Variants in PSME4 observed in about 807,000 individuals in gnomAD.
PSME4 encodes proteasome activator subunit 4, also known as proteasome activator complex subunit 4.
In PSME4, 89 loss-of-function variants were observed where a neutral mutation model predicts 253.9. The ratio of observed to expected loss-of-function variants is 0.35; its 90% CI spans 0.30 to 0.42. PSME4 has a LOEUF of 0.42. Ranked by LOEUF, PSME4 falls within the 10% of genes least tolerant of loss-of-function variation. The pLI is 1.00. For synonymous variants in PSME4, 851 were observed against 759.2 expected (o/e 1.12, Z -1.99); for missense variants, 2,014 against 2,195.2 (o/e 0.92, Z 1.65).
chr2:53,934,538 A>G (rs1304204985), intron 8 of PSME4, 67 bp downstream of exon 8: 2 of 1,506,700 alleles, frequency 1.3e-6, no homozygotes, highest in African/African-American at 2.8e-5. Flanking sequence ...GCGACTATCC[A>G]CAATTTTTGT....
At chr2:53,876,558 CCTT>C (rs1300108305) in intron 41 of PSME4, among the ~76,000 whole-genome samples, 4 of 151,300 alleles carry the variant, frequency 2.6e-5, no homozygotes, top group African/African-American at 9.8e-5. Context: ...AATGGTCATT[CCTT>C]CTTCATTATT....
intron 4 of PSME4, among the ~76,000 whole-genome samples, chr2:53,939,703 G>A (rs1272703571): frequency 6.6e-6 from 1 of 152,118 alleles, no homozygotes; most frequent in Admixed American, 6.5e-5. Context: ...TCTAGGAAAT[G>A]CTTCCAAATA....
At chr2:53,954,805 C>T (rs1384682038) in intron 1 of PSME4, among the ~76,000 whole-genome samples, 3 of 151,352 alleles carry the variant, frequency 2.0e-5, no homozygotes, top group African/African-American at 7.3e-5. Context: ...TGTGCCACTG[C>T]ACTCCAGCCT....
chr2:53,868,596 A>G (rs1267517850), intron 44 of PSME4, among the ~76,000 whole-genome samples: 1 of 136,060 alleles, frequency 7.3e-6, no homozygotes, highest in Non-Finnish European at 1.5e-5. Context: ...TATAATATAT[A>G]TATAATATAT....
intron 1 of PSME4, among the ~76,000 whole-genome samples, chr2:53,951,044 C>A (rs1256998593): frequency 6.6e-6 from 1 of 152,082 alleles, no homozygotes. Flanking sequence ...ATCTTTAACA[C>A]TCCCCCAGTA....
chr2:53,945,972 CACA>C (rs1669681131), intron 3 of PSME4, among the ~76,000 whole-genome samples: 1 of 152,128 alleles, frequency 6.6e-6, no homozygotes, highest in African/African-American at 2.4e-5. Flanking sequence ...GTGTTTCAGT[CACA>C]ACGTCTCTTC....
rs779683205 is a variant in PSME4, at chr2:53,899,941, C to A, written c.3362G>T (p.Ser1121Ile). Residue 1121 changes from serine to isoleucine, a missense_variant, in exon 29 of 47, where the codon AGC (serine) becomes ATC (isoleucine). By Grantham distance (142) the Ser-to-Ile change is moderately radical (BLOSUM62 -2). Around this residue, in one of 4 missense-constraint regions of PSME4, gnomAD observed 989 missense variants for 1,021.1 expected, o/e 0.97. Transcript: ENST00000404125. The part of the protein sequence containing the change: ...KNPSINQILL[S>I]PEKIKEGIKR... Reference sequence around the variant, plus strand: ...AATTCCTTCCTTAATTTTTTCTGGGCTAAGCAATATCTGGTTGATAGAGGG... The same window carrying A: ...AATTCCTTCCTTAATTTTTTCTGGGATAAGCAATATCTGGTTGATAGAGGG... The A allele has an allele frequency of 1.9e-6, 3 of 1,613,330 alleles. No homozygotes were observed. Among genetic ancestry groups the A allele is most frequent in the Middle Eastern group, 1.6e-4 (1 of 6,062 alleles).
intron 41 of PSME4, among the ~76,000 whole-genome samples, chr2:53,883,497 G>A (rs1192125533): frequency 6.6e-6 from 1 of 152,072 alleles, no homozygotes; most frequent in Non-Finnish European, 1.5e-5. Context: ...GCGGTGGGGG[G>A]GTGCGGGGTC....
rs1302874906 is a variant in PSME4, at chr2:53,918,460, CCTCCCACCTCAGCTGGGACT to C, written c.2516+671_2516+690del. On this transcript the variant is annotated intron_variant, in intron 20 of 46. Transcript: ENST00000404125. ...CCTCTGCCTCCTGGGCTCAAGCAAT[CCTCCCACCTCAGCTGGGACT>C]ACAGGTATGCGCCACCACGTCCAGC... Among the ~76,000 whole-genome samples the C allele has an allele frequency of 2.6e-5, 4 of 152,132 alleles. 1 individual carries two copies. The highest frequency in any genetic ancestry group is 9.6e-5 in the African/African-American group (4 of 41,498).
At chr2:53,952,338 G>A (rs1670039559) in intron 1 of PSME4, among the ~76,000 whole-genome samples, 1 of 152,030 alleles carries the variant, frequency 6.6e-6, no homozygotes, top group South Asian at 2.1e-4. Context: ...GTCAAGAGAT[G>A]GAGACCATCC....
At chr2:53,925,868 G>C in intron 13 of PSME4, 91 bp downstream of exon 13, 1 of 1,380,580 alleles carries the variant, frequency 7.2e-7, no homozygotes, top group Non-Finnish European at 1.0e-6. Context: ...GCTAAATAAA[G>C]GTTATAATGC....
At chr2:53,961,698 T>C (rs1323979290) in intron 1 of PSME4, among the ~76,000 whole-genome samples, 1 of 152,064 alleles carries the variant, frequency 6.6e-6, no homozygotes, top group African/African-American at 2.4e-5. Context: ...GGAAGGGGGA[T>C]GTTTGAAATG....
rs760184942 is a variant in PSME4 at position 53,908,579 on chromosome 2, A to G, written c.2630-14T>C. The G allele has an allele frequency of 6.3e-7, 1 of 1,579,802 alleles. No homozygotes were observed. The highest frequency in any genetic ancestry group is 1.2e-5 in the South Asian group (1 of 84,342). Reference sequence around the variant, plus strand: ...CAAGTATGTGGTCTATAATGGAAGAAAGAAAAGGATTTTGGTTAAAATATT... The same window carrying G: ...CAAGTATGTGGTCTATAATGGAAGAGAGAAAAGGATTTTGGTTAAAATATT... On this transcript the variant is annotated splice_polypyrimidine_tract_variant and intron_variant, in intron 22 of 46. Transcript: ENST00000404125.
At chr2:53,878,340 A>G (rs805393) in intron 41 of PSME4, among the ~76,000 whole-genome samples, 80,990 of 151,958 alleles carry the variant, frequency 0.53, 21,979 homozygotes, top group East Asian at 0.71. Flanking sequence ...CATCATCTTC[A>G]TAAGCTGAGG....
At chr2:53,917,584 A>C (rs1329141521) in intron 20 of PSME4, among the ~76,000 whole-genome samples, 1 of 152,166 alleles carries the variant, frequency 6.6e-6, no homozygotes. Flanking sequence ...CAGTACTAAA[A>C]ATTTACTAAC....
intron 2 of PSME4, 64 bp downstream of exon 2, chr2:53,949,077 TCC>T: frequency 6.8e-7 from 1 of 1,464,642 alleles, no homozygotes; most frequent in African/African-American, 1.4e-5. Context: ...AAACACTTAG[TCC>T]TCATTCCCTA....
intron 1 of PSME4, among the ~76,000 whole-genome samples, chr2:53,968,997 A>G (rs553606181): frequency 5.3e-5 from 8 of 152,214 alleles, no homozygotes; most frequent in Non-Finnish European, 1.0e-4. Flanking sequence ...TGCGTCCCCA[A>G]AAATGGTAGG....
intron 12 of PSME4, 144 bp from the exon 13 acceptor site, chr2:53,926,167 T>C (rs1668548122): frequency 6.7e-6 from 4 of 599,452 alleles, no homozygotes; most frequent in Non-Finnish European, 1.2e-5. Flanking sequence ...ATGCTAGACT[T>C]CATCTACTAC....
At chr2:53,946,767 A>G (rs1370083499) in intron 3 of PSME4, among the ~76,000 whole-genome samples, 5 of 152,134 alleles carry the variant, frequency 3.3e-5, no homozygotes, top group Admixed American at 6.5e-5. Flanking sequence ...TTTAAAAATT[A>G]GCCAGGCATG....
Sources: gnomAD v4.1 joint callset for allele counts (sites outside exome capture counted in the v4.1 genomes callset) on GRCh38, gnomAD v4.1.1 for gene constraint, gnomAD v4.1.1 regional missense constraint, MANE v1.5 for transcripts, NCBI Gene and HGNC (gene_info 2026-07-23, HGNC 2026-07-21) for gene names.